GDA: variants seen among roughly 807,000 people sequenced by gnomAD.
GDA encodes the protein cytoplasmic PSD-95 interactor.
In GDA, 18 loss-of-function variants were observed where a neutral mutation model predicts 59.6. The observed-to-expected ratio is 0.30, with a 90% CI of 0.21 to 0.45. The LOEUF (loss-of-function observed/expected upper bound fraction) is 0.45. GDA is among the 20% of genes least tolerant of loss of function. The pLI, the probability that GDA is intolerant of heterozygous loss-of-function variation, is 1.00. For missense variants in GDA, 427 were observed against 552.3 expected (o/e 0.77, Z 2.27); for synonymous variants, 201 against 201.1 (o/e 1.00, Z 0.00).
intron 1 of GDA, among the ~76,000 whole-genome samples, chr9:72,135,140 T>A (rs562519520): frequency 6.6e-6 from 1 of 152,300 alleles, no homozygotes; most frequent in Admixed American, 6.5e-5. Context: ...ATCAATTCAT[T>A]TTTACATTCT....
chr9:72,144,865 C>G (rs545981515), upstream of GDA, among the ~76,000 whole-genome samples: 12 of 151,920 alleles, frequency 7.9e-5, no homozygotes, highest in Middle Eastern at 6.8e-3. Context: ...ACGCATTTAT[C>G]CCATCTCAAA....
intron 1 of GDA, among the ~76,000 whole-genome samples, chr9:72,125,320 C>CTCCG (rs1258293860): frequency 4.1e-5 from 3 of 72,590 alleles, no homozygotes; most frequent in Non-Finnish European, 1.1e-4. Context: ...CCTTCCTTTA[C>CTCCG]TCCCTCCCTC....
Position 72,165,755 on chromosome 9 carries a change from G to A in GDA, c.123+16073G>A, listed in dbSNP as rs146275443. Among the ~76,000 whole-genome samples the A allele has an allele frequency of 5.6e-3, 847 of 151,550 alleles. 11 individuals carry two copies. The highest frequency in any genetic ancestry group is 0.019 in the African/African-American group (786 of 41,402). ...TCTACTAAAAATACAAAAATTAGCC[G>A]GGCATGATGGCAGGTGCCTGTAATC... On this transcript the variant is annotated intron_variant, in intron 1 of 13. Coordinates refer to ENST00000358399, the MANE Select transcript of GDA (RefSeq NM_004293.5).
intron 7 of GDA, among the ~76,000 whole-genome samples, chr9:72,224,281 A>G (rs1328357357): frequency 6.6e-6 from 1 of 152,222 alleles, no homozygotes; most frequent in Non-Finnish European, 1.5e-5. Context: ...GACTCGAATC[A>G]TCAGATTGTC....
intron 1 of GDA, among the ~76,000 whole-genome samples, chr9:72,186,096 T>C (rs1365353080): frequency 1.3e-5 from 2 of 152,110 alleles, no homozygotes; most frequent in Admixed American, 6.5e-5. Context: ...ACCCACTAGA[T>C]GGTGAATGAG....
chr9:72,232,225 G>A (rs1387210170), intron 10 of GDA, among the ~76,000 whole-genome samples: 1 of 152,170 alleles, frequency 6.6e-6, no homozygotes, highest in Non-Finnish European at 1.5e-5. Context: ...ATATTTAAGA[G>A]CATCAGGCTG....
intron 1 of GDA, among the ~76,000 whole-genome samples, chr9:72,128,667 G>A (rs1587305776): frequency 6.6e-6 from 1 of 152,238 alleles, no homozygotes; most frequent in East Asian, 1.9e-4. Context: ...GGAGTTCTTT[G>A]CCAGTCTTCA....
upstream of GDA, among the ~76,000 whole-genome samples, chr9:72,147,880 C>T (rs1826728823): frequency 6.6e-6 from 1 of 152,160 alleles, no homozygotes; most frequent in African/African-American, 2.4e-5. Flanking sequence ...GTGTAATGAC[C>T]TCAGCTGCAG....
intron 7 of GDA, among the ~76,000 whole-genome samples, chr9:72,224,883 G>T (rs146937833): frequency 6.7e-6 from 1 of 148,800 alleles, no homozygotes; most frequent in East Asian, 2.0e-4. Flanking sequence ...AGGACACATA[G>T]CTGTCAGAAC....
chr9:72,219,504 A>G lies in GDA; in HGVS notation c.604A>G (p.Asn202Asp). The G allele has an allele frequency of 6.3e-7, 1 of 1,598,874 alleles. No homozygotes were observed. The highest frequency in any genetic ancestry group is 8.5e-7 in the Non-Finnish European group (1 of 1,170,358). ...ERFVSEMLQKNYSRVKPIVTP... is the reference protein window; with the variant it reads ...ERFVSEMLQKDYSRVKPIVTP... ...ATTTGTGTCAGAAATGCTCCAAAAG[A>G]ACGTGAGTAACTTTGTTCAGAGCTC... The change falls in exon 6 of 14, where the codon AAC becomes GAC. Residue 202 changes from asparagine to aspartate, a missense_variant and splice_region_variant. Transcript: ENST00000358399.
At chr9:72,230,968 T>G in intron 9 of GDA, 146 bp from the exon 10 acceptor site, 1 of 651,768 alleles carries the variant, frequency 1.5e-6, no homozygotes, top group South Asian at 1.8e-5. Context: ...TTGGATGGTC[T>G]GATTTGACTA....
chr9:72,214,724 T>C (rs907813964), intron 5 of GDA: 2 of 347,008 alleles, frequency 5.8e-6, no homozygotes, highest in Admixed American at 8.2e-5. Context: ...CAAAGTTCTT[T>C]TTTTTTTTTC....
intron 1 of GDA, among the ~76,000 whole-genome samples, chr9:72,185,747 A>T (rs1269145399): frequency 6.6e-6 from 1 of 152,170 alleles, no homozygotes; most frequent in Non-Finnish European, 1.5e-5. Context: ...CTCTTGCCCA[A>T]ATTTGCCATC....
intron 1 of GDA, among the ~76,000 whole-genome samples, chr9:72,154,504 G>T (rs1326297000): frequency 6.6e-6 from 1 of 152,154 alleles, no homozygotes; most frequent in Admixed American, 6.6e-5. Flanking sequence ...GGCCTGTGAT[G>T]AACTGTATGG....
At chr9:72,148,465 T>C (rs1020043962), upstream of GDA, among the ~76,000 whole-genome samples, 2 of 151,516 alleles carry the variant, frequency 1.3e-5, no homozygotes, top group Non-Finnish European at 2.9e-5. Flanking sequence ...CTGCTGGGAG[T>C]CCGGTGCCAC....
chr9:72,204,263 T>C (rs1333943868), intron 3 of GDA, among the ~76,000 whole-genome samples: 1 of 152,240 alleles, frequency 6.6e-6, no homozygotes, highest in East Asian at 1.9e-4. Flanking sequence ...ATTGTGTTAA[T>C]GAATGGTGTT....
At chr9:72,115,852 GA>G (rs1825419254) in intron 1 of GDA, among the ~76,000 whole-genome samples, 1 of 152,194 alleles carries the variant, frequency 6.6e-6, no homozygotes, top group Non-Finnish European at 1.5e-5. Flanking sequence ...AAAAGGGGGA[GA>G]TGCAAATGAG....
At chr9:72,212,883 C>T (rs1835560168) in intron 4 of GDA, among the ~76,000 whole-genome samples, 1 of 152,080 alleles carries the variant, frequency 6.6e-6, no homozygotes, top group Non-Finnish European at 1.5e-5. Flanking sequence ...CTGTTTGCTC[C>T]TTTACCATGT....
At chr9:72,235,541 A>G (rs1051869057) in intron 10 of GDA, among the ~76,000 whole-genome samples, 3 of 152,190 alleles carry the variant, frequency 2.0e-5, no homozygotes, top group African/African-American at 7.2e-5. Context: ...TACTAAAAAT[A>G]CAAAAATTAG....
Sources: allele counts gnomAD v4.1 joint callset (sites outside exome capture counted in the v4.1 genomes callset), GRCh38; gene constraint gnomAD v4.1.1; transcripts MANE v1.5; gene names NCBI Gene and HGNC (gene_info 2026-07-23, HGNC 2026-07-21).